The following LEF1 variants were observed in gnomAD, a reference collection of about 807,000 sequenced individuals.
The protein encoded by LEF1 is lymphoid enhancer-binding factor 1.
LEF1 carries 14 observed loss-of-function variants against 51.2 expected under a neutral mutation model. That is an observed-to-expected ratio of 0.27 (90% CI 0.18 to 0.43). The LOEUF (loss-of-function observed/expected upper bound fraction) is 0.43. Ranked by LOEUF, LEF1 falls within the 20% of genes least tolerant of loss-of-function variation. The pLI is 1.00. For missense variants in LEF1, 386 were observed against 512.0 expected, an observed-to-expected ratio of 0.75 and a Z score of 2.37; for synonymous variants, 185 against 183.2, an observed-to-expected ratio of 1.01 and a Z score of -0.08.
At chr4:108,123,931 C>T (rs900004027) in intron 3 of LEF1, among the ~76,000 whole-genome samples, 4 of 152,040 alleles carry the variant, frequency 2.6e-5, no homozygotes, top group Admixed American at 2.0e-4. Flanking sequence ...CACCTGAGGC[C>T]AGGAGTTCAA....
intron 4 of LEF1, among the ~76,000 whole-genome samples, chr4:108,086,827 CTT>C (rs1311774070): frequency 3.1e-4 from 27 of 86,724 alleles, no homozygotes; most frequent in South Asian, 1.4e-3. Context: ...CACACACACA[CTT>C]ACACACACAC....
At chr4:108,142,609 C>T (rs1460764244) in intron 3 of LEF1, among the ~76,000 whole-genome samples, 2 of 152,118 alleles carry the variant, frequency 1.3e-5, no homozygotes, top group Non-Finnish European at 2.9e-5. Context: ...TTAAAATCAA[C>T]ATAAAAAGCA....
chr4:108,161,923 T>G (rs902153110), intron 3 of LEF1, among the ~76,000 whole-genome samples: 1 of 152,106 alleles, frequency 6.6e-6, no homozygotes, highest in African/African-American at 2.4e-5. Flanking sequence ...ATCTAAAACA[T>G]ATTCTCCTTC....
chr4:108,119,576 C>T (rs1245897720), intron 3 of LEF1, among the ~76,000 whole-genome samples: 1 of 152,108 alleles, frequency 6.6e-6, no homozygotes, highest in African/African-American at 2.4e-5. Flanking sequence ...ATAAAAAACC[C>T]TCAATAAAAG....
At chr4:108,092,380 C>T (rs1684980300) in intron 3 of LEF1, among the ~76,000 whole-genome samples, 2 of 152,146 alleles carry the variant, frequency 1.3e-5, no homozygotes, top group African/African-American at 2.4e-5. Flanking sequence ...TTATGGTTTG[C>T]TTCCTGCCAA....
At position 108,138,506 on chromosome 4, in the gene LEF1, T is replaced by TACACACACAC. The variant is rs79489271; in HGVS notation, c.414+25052_414+25061dup. ...ATGTACAGGTGTGTATGTGTGTGTA[T>TACACACACAC]ACACACACACACACACACACACGAG... On this transcript the variant is annotated intron_variant, in intron 3 of 11. Transcript: ENST00000265165. Among the ~76,000 whole-genome samples the TACACACACAC allele has an allele frequency of 1.5e-3, 226 of 150,376 alleles. 3 individuals are homozygous for TACACACACAC. The highest frequency in any genetic ancestry group is 5.5e-3 in the Admixed American group (83 of 15,144).
intron 3 of LEF1, among the ~76,000 whole-genome samples, chr4:108,111,637 C>T (rs148283919): frequency 1.5e-3 from 226 of 152,230 alleles, no homozygotes; most frequent in African/African-American, 4.9e-3. Flanking sequence ...ACAGGCCAGG[C>T]GTGGTGGCTC....
chr4:108,098,358 C>T (rs1412833116), intron 3 of LEF1, among the ~76,000 whole-genome samples: 1 of 152,114 alleles, frequency 6.6e-6, no homozygotes, highest in African/African-American at 2.4e-5. Flanking sequence ...AAGCTACAGT[C>T]TGCCCAAGGT....
At chr4:108,128,508 CTT>C (rs543550613) in intron 3 of LEF1, among the ~76,000 whole-genome samples, 2 of 143,458 alleles carry the variant, frequency 1.4e-5, no homozygotes, top group African/African-American at 2.5e-5. Context: ...TGAGGAAGGG[CTT>C]TTTTTTTTTT....
At chr4:108,092,809 A>C (rs1282541613) in intron 3 of LEF1, among the ~76,000 whole-genome samples, 1 of 151,452 alleles carries the variant, frequency 6.6e-6, no homozygotes, top group Non-Finnish European at 1.5e-5. Context: ...CTATTCTAGC[A>C]CCAATGACCA....
At chr4:108,056,001 T>C (rs1281840814) in intron 11 of LEF1, among the ~76,000 whole-genome samples, 2 of 152,194 alleles carry the variant, frequency 1.3e-5, no homozygotes, top group African/African-American at 4.8e-5. Context: ...GCTGTCCAGC[T>C]CTCCTCTCCA....
intron 3 of LEF1, among the ~76,000 whole-genome samples, chr4:108,142,286 GA>G (rs929315073): frequency 3.9e-5 from 6 of 152,166 alleles, no homozygotes; most frequent in African/African-American, 1.4e-4. Flanking sequence ...GTTTATTTGG[GA>G]AGTTGTAAAT....
chr4:108,049,366 A>G (rs1736830532), intron 11 of LEF1, among the ~76,000 whole-genome samples: 1 of 152,238 alleles, frequency 6.6e-6, no homozygotes, highest in Admixed American at 6.5e-5. Flanking sequence ...GACACTCAGC[A>G]AATATGTTAA....
intron 11 of LEF1, among the ~76,000 whole-genome samples, chr4:108,055,573 T>C (rs1370668499): frequency 6.6e-6 from 1 of 152,234 alleles, no homozygotes; most frequent in Non-Finnish European, 1.5e-5. Flanking sequence ...CAAACAGTTC[T>C]ATTAAACAAA....
At chr4:108,105,389 C>T (rs2110302090) in intron 3 of LEF1, among the ~76,000 whole-genome samples, 1 of 152,178 alleles carries the variant, frequency 6.6e-6, no homozygotes, top group Middle Eastern at 3.4e-3. Flanking sequence ...CTATGTTGGC[C>T]AGGCTGGTCT....
intron 3 of LEF1, among the ~76,000 whole-genome samples, chr4:108,094,931 G>A (rs1740284317): frequency 6.6e-6 from 1 of 152,114 alleles, no homozygotes; most frequent in South Asian, 2.1e-4. Context: ...GAGAATCTGA[G>A]CTTCTCAAGC....
intron 6 of LEF1, among the ~76,000 whole-genome samples, chr4:108,080,956 A>G (rs1739250031): frequency 6.6e-6 from 1 of 151,910 alleles, no homozygotes; most frequent in African/African-American, 2.4e-5. Context: ...TCCAGAAGCA[A>G]AAGCATCACA....
At chr4:108,090,440 G>A (rs1739942409) in intron 3 of LEF1, among the ~76,000 whole-genome samples, 1 of 152,098 alleles carries the variant, frequency 6.6e-6, no homozygotes, top group Non-Finnish European at 1.5e-5. Context: ...TTTGAAATCT[G>A]TGATTACTTT....
intron 3 of LEF1, among the ~76,000 whole-genome samples, chr4:108,139,997 A>T (rs1743539627): frequency 6.6e-6 from 1 of 152,214 alleles, no homozygotes; most frequent in Non-Finnish European, 1.5e-5. Context: ...ATTTGGCTTG[A>T]AGCAAAAACA....
Sources: allele counts gnomAD v4.1 joint callset (sites outside exome capture counted in the v4.1 genomes callset), GRCh38; gene constraint gnomAD v4.1.1; transcripts MANE v1.5; gene names NCBI Gene and HGNC (gene_info 2026-07-23, HGNC 2026-07-21).